Variants in XNDC1N observed in about 807,000 individuals in gnomAD.
The protein encoded by XNDC1N is XRCC1 N-terminal domain containing 1, N-terminal like.
chr11:71,916,148 C>T, the XNDC1N span: 2 of 702,970 alleles, frequency 2.8e-6, no homozygotes, highest in Admixed American at 2.0e-5. Context: ...GAAGAACACA[C>T]CCGTAGAAAG....
At chr11:71,880,666 T>C in the XNDC1N span, among the ~76,000 whole-genome samples, 1 of 152,228 alleles carries the variant, frequency 6.6e-6, no homozygotes, top group Non-Finnish European at 1.5e-5. Flanking sequence ...AATTCTCTCT[T>C]AGCACTGTCT....
At chr11:71,909,246 C>G in the XNDC1N span, among the ~76,000 whole-genome samples, 2 of 151,686 alleles carry the variant, frequency 1.3e-5, no homozygotes, top group Non-Finnish European at 2.9e-5. Flanking sequence ...TGCAGTAAGC[C>G]GTAAGGAAAA....
the XNDC1N span, chr11:71,917,272 C>A: frequency 1.5e-6 from 1 of 675,260 alleles, no homozygotes; most frequent in Non-Finnish European, 2.7e-6. Context: ...TCCCAGTCTC[C>A]CAAAGTGCTG....
chr11:71,903,736 T>C, the XNDC1N span: 15 of 372,438 alleles, frequency 4.0e-5, no homozygotes, highest in Non-Finnish European at 3.6e-5. Flanking sequence ...GATGTGGAAA[T>C]TCCTAATTTC....
At chr11:71,879,732 A>C in the XNDC1N span, among the ~76,000 whole-genome samples, 1 of 152,114 alleles carries the variant, frequency 6.6e-6, no homozygotes, top group African/African-American at 2.4e-5. Flanking sequence ...TATGTTTATC[A>C]GCGCAAGAAG....
the XNDC1N span, among the ~76,000 whole-genome samples, chr11:71,909,091 C>A: frequency 6.6e-6 from 1 of 151,712 alleles, no homozygotes; most frequent in African/African-American, 2.4e-5. Flanking sequence ...CCCGATAGCC[C>A]TGAAAATCAG....
At chr11:71,871,683 AATAAG>A in the XNDC1N span, among the ~76,000 whole-genome samples, 3 of 152,240 alleles carry the variant, frequency 2.0e-5, no homozygotes, top group African/African-American at 4.8e-5. Flanking sequence ...TTTGTTAATA[AATAAG>A]ATAACAGGCA....
the XNDC1N span, among the ~76,000 whole-genome samples, chr11:71,908,650 A>C: frequency 6.6e-6 from 1 of 152,036 alleles, no homozygotes; most frequent in Non-Finnish European, 1.5e-5. Flanking sequence ...CTGGGAAAAC[A>C]ATACAACGCC....
the XNDC1N span, chr11:71,884,766 G>A: frequency 5.0e-6 from 4 of 799,658 alleles, no homozygotes; most frequent in Non-Finnish European, 5.9e-6. Flanking sequence ...TACATCCACA[G>A]CCACATTGTT....
At chr11:71,870,698 T>C in the XNDC1N span, among the ~76,000 whole-genome samples, 1 of 152,014 alleles carries the variant, frequency 6.6e-6, no homozygotes, top group Admixed American at 6.6e-5. Context: ...AGAAAACAAA[T>C]AGTCCAATTA....
At chr11:71,888,906 G>A in the XNDC1N span, among the ~76,000 whole-genome samples, 2 of 152,202 alleles carry the variant, frequency 1.3e-5, no homozygotes, top group African/African-American at 4.8e-5. Flanking sequence ...GTCAAGCCTG[G>A]TTGTGTAGAA....
chr11:71,874,010 G>A, the XNDC1N span, among the ~76,000 whole-genome samples: 1 of 152,126 alleles, frequency 6.6e-6, no homozygotes, highest in Admixed American at 6.5e-5. Context: ...AGTGAACAAA[G>A]GTTGGATTTA....
At chr11:71,896,756 G>A in the XNDC1N span, among the ~76,000 whole-genome samples, 4 of 152,198 alleles carry the variant, frequency 2.6e-5, no homozygotes, top group African/African-American at 9.6e-5. Context: ...AGAGACGGGG[G>A]TTTCTCCCTG....
At chr11:71,906,045 T>C in the XNDC1N span, among the ~76,000 whole-genome samples, 1 of 152,014 alleles carries the variant, frequency 6.6e-6, no homozygotes, top group African/African-American at 2.4e-5. Flanking sequence ...ATATTACTAA[T>C]AATATCACAA....
the XNDC1N span, among the ~76,000 whole-genome samples, chr11:71,902,711 C>A: frequency 6.6e-6 from 1 of 152,230 alleles, no homozygotes; most frequent in South Asian, 2.1e-4. Flanking sequence ...ATGGCATGGT[C>A]TCAGCTGTTA....
At chr11:71,895,947 C>G in the XNDC1N span, among the ~76,000 whole-genome samples, 8 of 152,106 alleles carry the variant, frequency 5.3e-5, no homozygotes, top group African/African-American at 1.9e-4. Context: ...CACAGAATGA[C>G]AAATATTTCA....
At chr11:71,915,351 G>C in the XNDC1N span, among the ~76,000 whole-genome samples, 1 of 151,980 alleles carries the variant, frequency 6.6e-6, no homozygotes. Flanking sequence ...GGGAGGCTGA[G>C]GCAGGAGAAT....
the XNDC1N span, among the ~76,000 whole-genome samples, chr11:71,869,319 G>A: frequency 6.6e-5 from 10 of 152,010 alleles, no homozygotes; most frequent in East Asian, 1.9e-4. Context: ...TTCTGTCCTC[G>A]GGATAGTTTG....
At chr11:71,909,801 C>G in the XNDC1N span, among the ~76,000 whole-genome samples, 1 of 152,136 alleles carries the variant, frequency 6.6e-6, no homozygotes, top group African/African-American at 2.4e-5. Flanking sequence ...GTCCCTTGAT[C>G]TTTTTAGGAA....
Sources: gnomAD v4.1 joint callset for allele counts (sites outside exome capture counted in the v4.1 genomes callset) on GRCh38, gnomAD v4.1.1 for gene constraint, MANE v1.5 for transcripts, NCBI Gene and HGNC (gene_info 2026-07-23, HGNC 2026-07-21) for gene names.